NRTN: variants seen among roughly 807,000 people sequenced by gnomAD.
NRTN encodes the protein prepro-neurturin.
NRTN carries 3 observed loss-of-function variants against 7.5 expected under a neutral mutation model. That is an observed-to-expected ratio of 0.40 (90% CI 0.18 to 1.03). NRTN has a LOEUF of 1.03. Among genes scored for constraint, NRTN ranks in the 50% least tolerant of loss-of-function variants. The pLI, the probability that NRTN is intolerant of heterozygous loss-of-function variation, is 0.34. For missense variants in NRTN, 310 were observed against 307.0 expected, an observed-to-expected ratio of 1.01 and a Z score of -0.07; for synonymous variants, 157 against 146.6, an observed-to-expected ratio of 1.07 and a Z score of -0.51.
intron 1 of NRTN, among the ~76,000 whole-genome samples, chr19:5,815,907 G>C (rs1337109081): frequency 6.6e-6 from 1 of 151,262 alleles, no homozygotes; most frequent in Admixed American, 6.6e-5. Flanking sequence ...ACCGTGCCTG[G>C]CTAATTTTTG....
chr19:5,820,564 C>CA (rs72127155), intron 1 of NRTN, among the ~76,000 whole-genome samples: 45,791 of 108,736 alleles, frequency 0.42, 10,998 homozygotes, highest in East Asian at 0.65. Flanking sequence ...GACTCCGTCT[C>CA]AAAAAAAAAA....
intron 1 of NRTN, among the ~76,000 whole-genome samples, chr19:5,815,427 ATT>A (rs754233565): frequency 1.2e-4 from 14 of 120,064 alleles, no homozygotes; most frequent in Admixed American, 9.1e-5. Flanking sequence ...TGTGAGTGTG[ATT>A]TTTTTTTTTT....
intron 1 of NRTN, among the ~76,000 whole-genome samples, chr19:5,817,709 G>A (rs1416806080): frequency 2.0e-5 from 3 of 152,156 alleles, no homozygotes; most frequent in African/African-American, 7.2e-5. Context: ...GTGTGAAAAA[G>A]TCCAAGTGTG....
intron 1 of NRTN, among the ~76,000 whole-genome samples, chr19:5,811,189 G>T (rs2056989665): frequency 6.6e-6 from 1 of 152,156 alleles, no homozygotes; most frequent in South Asian, 2.1e-4. Context: ...AGTGAGCCGA[G>T]ATCGTGCAAC....
rs922794928 is a variant in NRTN, at chr19:5,827,807, G to C, written c.228G>C (p.Trp76Cys). Residue 76 changes from tryptophan (W) to cysteine (C), a missense_variant, in exon 3 of 3, where the codon TGG (tryptophan) becomes TGC (cysteine). Transcript: ENST00000303212. ...TGGAGCTGCGCGAGCTGACGCCCTG[G>C]GCTGGGCGGCCCCCAGGTCCGCGCC... ...DAMELRELTP[W>C]AGRPPGPRRR... The C allele has an allele frequency of 1.8e-5, 21 of 1,182,264 alleles. No individual in the cohort carries two copies. The African/African-American group carries it at 3.2e-4, about 18-fold the overall frequency. The allele number at this position is 1,182,264 out of a possible 1,614,324, so 73.2% of individuals were successfully genotyped here.
rs748453602 is a variant in NRTN, at chr19:5,827,953, T to C, written c.374T>C (p.Val125Ala). 141 of 1,489,396 alleles carry C rather than the reference T, an allele frequency of 9.5e-5. No individual in the cohort carries two copies. Among genetic ancestry groups the C allele is most frequent in the South Asian group, 4.3e-4 (34 of 78,302 alleles). 92.3% of individuals were successfully genotyped at this position (1,489,396 alleles called of 1,614,324 possible). ...LGLGYASDET[V>A]LFRYCAGACE... ...CTGGGCTACGCGTCCGACGAGACGG[T>C]GCTGTTCCGCTACTGCGCAGGCGCC... Residue 125 changes from valine to alanine, a missense_variant, in exon 3 of 3, where the codon GTG (valine) becomes GCG (alanine). Coordinates refer to ENST00000303212, the MANE Select transcript of NRTN (RefSeq NM_004558.5).
At chr19:5,815,561 T>G (rs1292162620) in intron 1 of NRTN, among the ~76,000 whole-genome samples, 1 of 149,336 alleles carries the variant, frequency 6.7e-6, no homozygotes, top group Middle Eastern at 3.5e-3. Context: ...TCACTCTCCC[T>G]AATAGCTGGG....
chr19:5,805,208 C>A lies in NRTN; in HGVS notation c.-642C>A, dbSNP rs2056971312. On this transcript the variant is annotated 5_prime_UTR_variant, in exon 1 of 3. Coordinates refer to ENST00000303212, the MANE Select transcript of NRTN (RefSeq NM_004558.5). Reference sequence around the variant, plus strand: ...GCCCCGCGCCCTCTGAGCCGCCGGCCGTCCAGGGCACCCACCCCCAGCCCC... The same window carrying A: ...GCCCCGCGCCCTCTGAGCCGCCGGCAGTCCAGGGCACCCACCCCCAGCCCC... Among the ~76,000 whole-genome samples, 1 of 146,438 alleles carries A rather than the reference C, an allele frequency of 6.8e-6. No individual in the cohort carries two copies. Among genetic ancestry groups the A allele is most frequent in the African/African-American group, 2.4e-5 (1 of 40,870 alleles).
At chr19:5,818,612 T>C (rs1568398259) in intron 1 of NRTN, among the ~76,000 whole-genome samples, 1 of 151,890 alleles carries the variant, frequency 6.6e-6, no homozygotes, top group Non-Finnish European at 1.5e-5. Context: ...CTGAGCTAGA[T>C]TGCAAATGAC....
chr19:5,815,853 T>A (rs980393685), intron 1 of NRTN, among the ~76,000 whole-genome samples: 5 of 151,418 alleles, frequency 3.3e-5, no homozygotes, highest in Admixed American at 1.3e-4. Context: ...CAAGCAATTC[T>A]TCTGCCTCAG....
intron 1 of NRTN, among the ~76,000 whole-genome samples, chr19:5,805,831 C>T (rs2144753663): frequency 6.6e-6 from 1 of 152,084 alleles, no homozygotes; most frequent in East Asian, 2.0e-4. Flanking sequence ...CATGTGGTCT[C>T]CAAGGGGCCG....
intron 1 of NRTN, among the ~76,000 whole-genome samples, chr19:5,812,118 G>A (rs550750206): frequency 1.1e-4 from 17 of 151,816 alleles, no homozygotes; most frequent in Non-Finnish European, 2.1e-4. Flanking sequence ...TGATCCACCC[G>A]CCTCGGCCTC....
chr19:5,827,453 C>G (rs1873469147), intron 2 of NRTN, among the ~76,000 whole-genome samples: 1 of 151,918 alleles, frequency 6.6e-6, no homozygotes, highest in South Asian at 2.1e-4. Context: ...GGAAAGCGGC[C>G]CAGAAAGGAT....
At chr19:5,814,569 G>T (rs1005050330) in intron 1 of NRTN, among the ~76,000 whole-genome samples, 1 of 152,172 alleles carries the variant, frequency 6.6e-6, no homozygotes, top group African/African-American at 2.4e-5. Context: ...GGTGGGAAGG[G>T]GAGTGGGGGT....
intron 1 of NRTN, among the ~76,000 whole-genome samples, chr19:5,817,389 A>G (rs1317811881): frequency 7.0e-6 from 1 of 143,174 alleles, no homozygotes; most frequent in Non-Finnish European, 1.5e-5. Context: ...GAGGGAGGAA[A>G]GGAGTGAGGG....
intron 1 of NRTN, among the ~76,000 whole-genome samples, chr19:5,815,427 A>ATTTTTT (rs754233565): frequency 8.3e-6 from 1 of 120,080 alleles, no homozygotes; most frequent in Admixed American, 9.1e-5. Flanking sequence ...TGTGAGTGTG[A>ATTTTTT]TTTTTTTTTT....
chr19:5,812,803 C>T (rs1315659726), intron 1 of NRTN, among the ~76,000 whole-genome samples: 4 of 152,288 alleles, frequency 2.6e-5, no homozygotes, highest in East Asian at 1.9e-4. Context: ...CTCCTAGGGG[C>T]GATCTAGGAA....
At chr19:5,809,269 C>G (rs1278404907) in intron 1 of NRTN, among the ~76,000 whole-genome samples, 1 of 151,388 alleles carries the variant, frequency 6.6e-6, no homozygotes, top group South Asian at 2.1e-4. Flanking sequence ...CTCCTGGACT[C>G]AAGCGATCCT....
At chr19:5,810,231 C>T (rs1381091695) in intron 1 of NRTN, among the ~76,000 whole-genome samples, 2 of 147,736 alleles carry the variant, frequency 1.4e-5, no homozygotes, top group African/African-American at 5.0e-5. Flanking sequence ...CGCGCCACTG[C>T]ACTCCAGCCT....
Sources: gnomAD v4.1 joint callset for allele counts (sites outside exome capture counted in the v4.1 genomes callset) on GRCh38, gnomAD v4.1.1 for gene constraint, MANE v1.5 for transcripts, NCBI Gene and HGNC (gene_info 2026-07-23, HGNC 2026-07-21) for gene names.